The following PRKD1 variants were observed in gnomAD, a reference collection of about 807,000 sequenced individuals.
The protein encoded by PRKD1 is protein kinase D1.
Under a neutral mutation model 95.9 loss-of-function variants are expected in PRKD1, and 63 were observed. That is an observed-to-expected ratio of 0.66 (90% CI 0.54 to 0.81). The LOEUF is 0.81. PRKD1 is among the 30% of genes least tolerant of loss of function. The pLI is 0.00. For missense variants in PRKD1, 1,048 were observed against 1,165.3 expected (o/e 0.90, Z 1.47); for synonymous variants, 425 against 423.1 (o/e 1.00, Z -0.05).
chr14:29,641,081 A>C (rs1440169739), intron 4 of PRKD1, among the ~76,000 whole-genome samples: 1 of 152,240 alleles, frequency 6.6e-6, no homozygotes, highest in African/African-American at 2.4e-5. Context: ...AAGAAATTTA[A>C]AAATATTCCA....
At chr14:29,794,333 A>T (rs1889713221) in intron 1 of PRKD1, among the ~76,000 whole-genome samples, 1 of 151,982 alleles carries the variant, frequency 6.6e-6, no homozygotes, top group South Asian at 2.1e-4. Flanking sequence ...CGTGAAGTAA[A>T]CAAACACAAA....
At chr14:29,827,509 C>T (rs1891245425) in intron 1 of PRKD1, among the ~76,000 whole-genome samples, 1 of 152,054 alleles carries the variant, frequency 6.6e-6, no homozygotes, top group Admixed American at 6.6e-5. Context: ...ATTCATCTTG[C>T]TCTGAGTACC....
Position 29,800,325 on chromosome 14 carries a change from G to A in PRKD1, c.265-74651C>T, listed in dbSNP as rs148632503. On this transcript the variant is annotated intron_variant, in intron 1 of 17. Coordinates refer to ENST00000331968, the MANE Select transcript of PRKD1 (RefSeq NM_002742.3). ...TGATATCCCATTCCAAGGAGAGTCC[G>A]CACTGGTTGCGTAGAGGCGTGCTTG... is the stretch of plus-strand genomic sequence containing the variant. Among the ~76,000 whole-genome samples the A allele has an allele frequency of 5.9e-5, 9 of 152,234 alleles. No individual in the cohort carries two copies. In the East Asian group the frequency reaches 1.4e-3, roughly 23 times the overall value.
chr14:29,689,608 C>T (rs991729282), intron 2 of PRKD1, among the ~76,000 whole-genome samples: 3 of 152,166 alleles, frequency 2.0e-5, no homozygotes, highest in African/African-American at 7.2e-5. Context: ...TTTGAGCCAG[C>T]AATCCCATTA....
At chr14:29,678,878 G>GA (rs750461207) in intron 2 of PRKD1, among the ~76,000 whole-genome samples, 8 of 152,140 alleles carry the variant, frequency 5.3e-5, no homozygotes, top group Non-Finnish European at 1.2e-4. Flanking sequence ...TTTTAAAGCA[G>GA]AAATATTATT....
intron 1 of PRKD1, among the ~76,000 whole-genome samples, chr14:29,740,001 T>C (rs1175312875): frequency 1.3e-5 from 2 of 152,192 alleles, no homozygotes; most frequent in African/African-American, 4.8e-5. Flanking sequence ...TAAATGTTCA[T>C]ATCAAGCAAT....
At chr14:29,809,897 C>T (rs1026153683) in intron 1 of PRKD1, among the ~76,000 whole-genome samples, 2 of 152,184 alleles carry the variant, frequency 1.3e-5, no homozygotes, top group African/African-American at 2.4e-5. Context: ...CCTTACTAAG[C>T]TTAATCATTT....
intron 1 of PRKD1, among the ~76,000 whole-genome samples, chr14:29,850,332 G>C (rs1390822695): frequency 6.6e-6 from 1 of 151,976 alleles, no homozygotes; most frequent in Non-Finnish European, 1.5e-5. Flanking sequence ...AAGGCTTCTG[G>C]AACTGATAAA....
chr14:29,832,831 A>G (rs754712699), intron 1 of PRKD1, among the ~76,000 whole-genome samples: 16 of 152,124 alleles, frequency 1.1e-4, no homozygotes, highest in Non-Finnish European at 2.1e-4. Context: ...ATCCATCTTA[A>G]CAAGGCTCCC....
intron 1 of PRKD1, among the ~76,000 whole-genome samples, chr14:29,841,854 C>T (rs933893694): frequency 1.3e-5 from 2 of 151,932 alleles, no homozygotes; most frequent in African/African-American, 2.4e-5. Context: ...ATAACACTTA[C>T]ATGAAACACA....
At chr14:29,632,744 AT>A in intron 9 of PRKD1, 124 bp downstream of exon 9, 1 of 808,880 alleles carries the variant, frequency 1.2e-6, no homozygotes, top group Non-Finnish European at 2.0e-6. Context: ...GAAAAAAAAA[AT>A]AGTTCCTGGA....
At chr14:29,657,161 G>A (rs531223322) in intron 4 of PRKD1, among the ~76,000 whole-genome samples, 1 of 151,840 alleles carries the variant, frequency 6.6e-6, no homozygotes, top group Non-Finnish European at 1.5e-5. Flanking sequence ...TTCAAAAGCA[G>A]TAAGGTTACT....
chr14:29,692,777 T>C (rs1884309657), intron 2 of PRKD1, among the ~76,000 whole-genome samples: 1 of 152,178 alleles, frequency 6.6e-6, no homozygotes, highest in Admixed American at 6.5e-5. Context: ...AAAACAAATG[T>C]CATCATGTCC....
chr14:29,667,192 T>TGGCA (rs983558455), intron 2 of PRKD1, among the ~76,000 whole-genome samples: 6 of 152,082 alleles, frequency 3.9e-5, no homozygotes, highest in African/African-American at 1.2e-4. Context: ...GCAGAAGACC[T>TGGCA]GGGGGAAGCC....
chr14:29,904,922 T>C (rs1387410151), intron 1 of PRKD1, among the ~76,000 whole-genome samples: 1 of 152,196 alleles, frequency 6.6e-6, no homozygotes, highest in Non-Finnish European at 1.5e-5. Flanking sequence ...GAAATCAACT[T>C]GGACAAAAAG....
At chr14:29,833,110 T>TA (rs1891478434) in intron 1 of PRKD1, among the ~76,000 whole-genome samples, 1 of 152,108 alleles carries the variant, frequency 6.6e-6, no homozygotes, top group Non-Finnish European at 1.5e-5. Context: ...TTATTAACTA[T>TA]AAAATATTTC....
At chr14:29,666,045 C>T (rs749692875) in intron 3 of PRKD1, 32 bp downstream of exon 3, 1 of 1,565,454 alleles carries the variant, frequency 6.4e-7, no homozygotes, top group Non-Finnish European at 8.7e-7. Flanking sequence ...GAACAGCACA[C>T]ATTTAACTTG....
chr14:29,641,381 T>A (rs45490495), intron 4 of PRKD1, among the ~76,000 whole-genome samples: 19 of 152,348 alleles, frequency 1.2e-4, no homozygotes, highest in South Asian at 6.2e-4. Context: ...TTATTTTCAA[T>A]ATGGCCCATA....
At chr14:29,746,681 C>A (rs1464127884) in intron 1 of PRKD1, among the ~76,000 whole-genome samples, 1 of 152,104 alleles carries the variant, frequency 6.6e-6, no homozygotes, top group Non-Finnish European at 1.5e-5. Flanking sequence ...CGAATGAATG[C>A]TCAATAAGTA....
Sources: gnomAD v4.1 joint callset for allele counts (sites outside exome capture counted in the v4.1 genomes callset) on GRCh38, gnomAD v4.1.1 for gene constraint, MANE v1.5 for transcripts, NCBI Gene and HGNC (gene_info 2026-07-23, HGNC 2026-07-21) for gene names.